SUGCT: variants seen among roughly 807,000 people sequenced by gnomAD.
The protein encoded by SUGCT is succinyl-CoA:glutarate-CoA transferase, also known as succinyl-CoA:glutarate CoA-transferase.
Under a neutral mutation model 55.0 loss-of-function variants are expected in SUGCT, and 41 were observed. The observed-to-expected ratio is 0.74, with a 90% CI of 0.58 to 0.97. The LOEUF is 0.97. SUGCT is among the 50% of genes least tolerant of loss of function. The pLI is 0.00. For missense variants in SUGCT, 568 were observed against 547.8 expected, an observed-to-expected ratio of 1.04 and a Z score of -0.37; for synonymous variants, 187 against 200.4, an observed-to-expected ratio of 0.93 and a Z score of 0.56.
At chr7:40,909,254 C>G in the SUGCT span, among the ~76,000 whole-genome samples, 1 of 152,190 alleles carries the variant, frequency 6.6e-6, no homozygotes, top group African/African-American at 2.4e-5. Context: ...GTCTGGAAAA[C>G]AGTAGATCAC....
the SUGCT span, among the ~76,000 whole-genome samples, chr7:40,986,870 C>T: frequency 6.6e-6 from 1 of 152,142 alleles, no homozygotes; most frequent in Admixed American, 6.5e-5. Flanking sequence ...TCAGGATCCT[C>T]CAGCCAAAAG....
chr7:40,765,326 G>C (rs905896390), intron 13 of SUGCT, among the ~76,000 whole-genome samples: 1 of 151,892 alleles, frequency 6.6e-6, no homozygotes, highest in Non-Finnish European at 1.5e-5. Context: ...CTATGGAATT[G>C]GATTCTCTTC....
chr7:40,618,373 C>G (rs1018855630), intron 12 of SUGCT, among the ~76,000 whole-genome samples: 1 of 152,208 alleles, frequency 6.6e-6, no homozygotes, highest in Non-Finnish European at 1.5e-5. Context: ...ATTGCTGTAG[C>G]TTTACTGCCA....
At chr7:40,604,193 G>A (rs186284503) in intron 12 of SUGCT, among the ~76,000 whole-genome samples, 3 of 152,184 alleles carry the variant, frequency 2.0e-5, no homozygotes, top group East Asian at 1.9e-4. Flanking sequence ...CTGAGTGTTC[G>A]CCCGAGGCCC....
intron 11 of SUGCT, among the ~76,000 whole-genome samples, chr7:40,495,912 C>T (rs1217033986): frequency 2.0e-5 from 3 of 152,102 alleles, no homozygotes; most frequent in Admixed American, 6.5e-5. Context: ...TATATCAGTG[C>T]CTATCCTAAC....
the SUGCT span, chr7:40,967,278 G>A: frequency 1.3e-5 from 2 of 152,194 alleles, no homozygotes; most frequent in South Asian, 2.1e-4. Context: ...AGGCAGGGAT[G>A]TTATCCTTGC....
the SUGCT span, among the ~76,000 whole-genome samples, chr7:40,987,440 T>C: frequency 1.3e-5 from 2 of 152,210 alleles, no homozygotes; most frequent in African/African-American, 4.8e-5. Flanking sequence ...GTAATTTATG[T>C]AATTTTTTAG....
At chr7:40,862,731 G>GT (rs200059575), downstream of SUGCT, among the ~76,000 whole-genome samples, 852 of 134,302 alleles carry the variant, frequency 6.3e-3, 3 homozygotes, top group Middle Eastern at 0.024. Flanking sequence ...TCTTTTTCTT[G>GT]TTTTTTTTTT....
At chr7:40,171,986 C>A (rs1784697446) in intron 1 of SUGCT, among the ~76,000 whole-genome samples, 1 of 152,176 alleles carries the variant, frequency 6.6e-6, no homozygotes, top group African/African-American at 2.4e-5. Context: ...TTTCCTCTCT[C>A]TCTCTTTCCC....
chr7:40,567,402 T>A (rs1029258432), intron 12 of SUGCT, among the ~76,000 whole-genome samples: 2 of 152,228 alleles, frequency 1.3e-5, no homozygotes, highest in Non-Finnish European at 2.9e-5. Flanking sequence ...GGGATAATCA[T>A]TAGACTTTGT....
chr7:40,697,076 ACACT>A (rs1404860991), intron 12 of SUGCT, among the ~76,000 whole-genome samples: 2 of 152,164 alleles, frequency 1.3e-5, no homozygotes, highest in Non-Finnish European at 2.9e-5. Flanking sequence ...GCACACACAC[ACACT>A]CACACGTAAC....
intron 9 of SUGCT, among the ~76,000 whole-genome samples, chr7:40,318,965 C>A (rs1312558690): frequency 6.6e-6 from 1 of 152,104 alleles, no homozygotes; most frequent in Non-Finnish European, 1.5e-5. Context: ...CCTGGGTATG[C>A]CCTCAATTAT....
chr7:40,965,180 G>C, the SUGCT span: 1 of 152,206 alleles, frequency 6.6e-6, no homozygotes, highest in Non-Finnish European at 1.5e-5. Flanking sequence ...TGATTTGCTT[G>C]AGACATTAGT....
chr7:40,603,139 C>T (rs1477329913), intron 12 of SUGCT, among the ~76,000 whole-genome samples: 3 of 152,126 alleles, frequency 2.0e-5, no homozygotes. Flanking sequence ...TATGTAACCT[C>T]TATTTTTCAA....
the SUGCT span, among the ~76,000 whole-genome samples, chr7:40,978,257 T>C: frequency 6.6e-6 from 1 of 152,316 alleles, no homozygotes; most frequent in African/African-American, 2.4e-5. Context: ...CATTTGTCTT[T>C]GCCTCTGGCC....
At chr7:40,911,265 A>G in the SUGCT span, among the ~76,000 whole-genome samples, 6 of 152,230 alleles carry the variant, frequency 3.9e-5, no homozygotes, top group Admixed American at 1.3e-4. Flanking sequence ...AAGTTGTATC[A>G]AAGTCTAGAT....
the SUGCT span, among the ~76,000 whole-genome samples, chr7:41,006,895 A>G: frequency 6.6e-6 from 1 of 152,208 alleles, no homozygotes; most frequent in Admixed American, 6.5e-5. Flanking sequence ...ACCTTGGCAG[A>G]TTGAAGAATA....
chr7:40,182,729 A>G (rs1311743464), intron 3 of SUGCT, among the ~76,000 whole-genome samples: 1 of 152,144 alleles, frequency 6.6e-6, no homozygotes, highest in Non-Finnish European at 1.5e-5. Context: ...TATAAAGGAG[A>G]AAATGGAGGC....
chr7:40,626,257 T>A (rs1312821566), intron 12 of SUGCT, among the ~76,000 whole-genome samples: 1 of 152,066 alleles, frequency 6.6e-6, no homozygotes. Flanking sequence ...TTTCTTTCTT[T>A]TCTCTCTTTT....
Sources: gnomAD v4.1 joint callset for allele counts (sites outside exome capture counted in the v4.1 genomes callset) on GRCh38, gnomAD v4.1.1 for gene constraint, MANE v1.5 for transcripts, NCBI Gene and HGNC (gene_info 2026-07-23, HGNC 2026-07-21) for gene names.